RCE1: variants seen among roughly 807,000 people sequenced by gnomAD.
The protein encoded by RCE1 is CAAX prenyl protease 2.
In RCE1, 15 loss-of-function variants were observed where a neutral mutation model predicts 35.0. That is an observed-to-expected ratio of 0.43 (90% CI 0.29 to 0.66). The LOEUF is 0.66. RCE1 is among the 30% of genes least tolerant of loss of function. The pLI is 0.17. For synonymous variants in RCE1, 261 were observed against 192.7 expected, an observed-to-expected ratio of 1.35 and a Z score of -2.94; for missense variants, 434 against 433.0, an observed-to-expected ratio of 1.00 and a Z score of -0.02.
Position 66,846,328 on chromosome 11 carries a change from C to T in RCE1, c.*233C>T. Reference sequence around the variant, plus strand: ...CAGCTGTGAGTGAGGGGACAAGGGGCAGGTCCCAGGAGCCACACACTCCCT... The same window carrying T: ...CAGCTGTGAGTGAGGGGACAAGGGGTAGGTCCCAGGAGCCACACACTCCCT... On this transcript the variant is annotated 3_prime_UTR_variant, in exon 8 of 8. Transcript: ENST00000309657. The T allele has an allele frequency of 2.0e-6, 1 of 504,142 alleles. No homozygotes were observed. The allele number at this position is 504,142 out of a possible 1,614,324, so 31.2% of individuals were successfully genotyped here.
chr11:66,845,518 C>T lies in RCE1; in HGVS notation c.710C>T (p.Thr237Ile). ...TCTCCAGCGTTCCAGTTCTCCTACA[C>T]AGCTGTCTTCGGTGCCTACACTGCT... ...FLSAAFQFSY[T>I]AVFGAYTAFL... Residue 237 changes from threonine to isoleucine, a missense_variant, in exon 7 of 8, where the codon ACA (threonine) becomes ATA (isoleucine). Coordinates refer to ENST00000309657, the MANE Select transcript of RCE1 (RefSeq NM_005133.3). The T allele has an allele frequency of 6.2e-7, 1 of 1,614,228 alleles. No homozygotes were observed. Among genetic ancestry groups the T allele is most frequent in the South Asian group, 1.1e-5 (1 of 91,084 alleles).
At chr11:66,845,640 A>T in intron 7 of RCE1, 78 bp downstream of exon 7, 1 of 1,604,288 alleles carries the variant, frequency 6.2e-7, no homozygotes, top group Non-Finnish European at 8.5e-7. Flanking sequence ...TTGTTCTAGG[A>T]ACAAAAGTTC....
Position 66,843,545 on chromosome 11 carries a change from C to T in RCE1, c.90C>T (p.Gly30=). ...AGTCGGCGGCGCTGGGCGGCCTGGG[C>T]CCCGGGCTGTGCTGCTGGGTGTCAG... ...PPESAALGGL[G]PGLCCWVSVF... Residue 30 remains glycine (G), a synonymous_variant, in exon 1 of 8, where the codon GGC becomes GGT. Transcript: ENST00000309657. 2.6e-6 allele frequency: 4 copies of T among 1,552,314 alleles called. No homozygotes were observed. Among genetic ancestry groups the T allele is most frequent in the South Asian group, 1.2e-5 (1 of 86,022 alleles).
intron 4 of RCE1, 120 bp downstream of exon 4, chr11:66,844,484 T>C (rs1200298398): frequency 4.4e-6 from 6 of 1,357,790 alleles, no homozygotes; most frequent in East Asian, 2.3e-5. Flanking sequence ...GGGTGTGTTT[T>C]CTCATCAGTA....
At chr11:66,844,209 C>T in intron 3 of RCE1, 77 bp from the exon 4 acceptor site, 1 of 1,604,558 alleles carries the variant, frequency 6.2e-7, no homozygotes. Context: ...GGATTTCAAG[C>T]TTGGAGTCTC....
At position 66,845,149 on chromosome 11, in the gene RCE1, T is replaced by C. The variant is rs1160471387; in HGVS notation, c.620-17T>C. The C allele has an allele frequency of 1.2e-6, 2 of 1,614,220 alleles. No homozygotes were observed. Among genetic ancestry groups the C allele is most frequent in the South Asian group, 2.2e-5 (2 of 91,088 alleles). On this transcript the variant is annotated splice_polypyrimidine_tract_variant and intron_variant, in intron 5 of 7. Coordinates refer to ENST00000309657, the MANE Select transcript of RCE1 (RefSeq NM_005133.3). ...CTGGGAGGAATGACTGTGATGTGAT[T>C]GTCACCTTTTTCCCAGCCCATTTTC...
rs561863994 is a variant in RCE1 at position 66,846,263 on chromosome 11, T to C, written c.*168T>C. The C allele has an allele frequency of 4.4e-5, 38 of 866,966 alleles. No individual in the cohort carries two copies. In the East Asian group the frequency reaches 9.8e-4, roughly 22 times the overall value. 53.7% of individuals were successfully genotyped at this position (866,966 alleles called of 1,614,324 possible). ...AGGGACCAAGAGAAAGAAGCAGATATCCAAAGGGTGCAGCCCCTTTTGAAA... is the reference window on the plus strand; with the variant it reads ...AGGGACCAAGAGAAAGAAGCAGATACCCAAAGGGTGCAGCCCCTTTTGAAA... On this transcript the variant is annotated 3_prime_UTR_variant, in exon 8 of 8. Transcript: ENST00000309657.
chr11:66,845,009 T>G lies in RCE1; in HGVS notation c.592T>G (p.Phe198Val). Residue 198 changes from phenylalanine to valine, a missense_variant, in exon 5 of 8, where the codon TTC becomes GTC. Transcript: ENST00000309657. Reference sequence around the variant, plus strand: ...GTGCATGGGCCTGGGCCCTGCTGTGTTCACCTGCCCGCTCTTTTTTGGAGT... The same window carrying G: ...GTGCATGGGCCTGGGCCCTGCTGTGGTCACCTGCCCGCTCTTTTTTGGAGT... ...APCMGLGPAVFTCPLFFGVAH... is the reference protein window; with the variant it reads ...APCMGLGPAVVTCPLFFGVAH... 1 of 1,598,266 alleles carries G rather than the reference T, an allele frequency of 6.3e-7. No homozygotes were observed. Among genetic ancestry groups the G allele is most frequent in the Non-Finnish European group, 8.5e-7 (1 of 1,169,994 alleles).
chr11:66,843,447 C>T lies in RCE1; in HGVS notation c.-9C>T. On this transcript the variant is annotated 5_prime_UTR_variant, in exon 1 of 8. Coordinates refer to ENST00000309657, the MANE Select transcript of RCE1 (RefSeq NM_005133.3). ...TGCGTCACTGGTGCGCGCCGCGGGT[C>T]AGGGCGCAATGGCGGCGCTGGGCGG... 1.4e-6 allele frequency: 2 copies of T among 1,401,424 alleles called. No individual in the cohort carries two copies. Among genetic ancestry groups the T allele is most frequent in the Non-Finnish European group, 1.8e-6 (2 of 1,091,974 alleles). 86.8% of individuals were successfully genotyped at this position (1,401,424 alleles called of 1,614,324 possible).
intron 4 of RCE1, chr11:66,844,639 G>C: frequency 1.3e-6 from 1 of 753,808 alleles, no homozygotes; most frequent in Non-Finnish European, 2.1e-6. Context: ...CTTAAATTTT[G>C]GTGTCTCCAG....
intron 5 of RCE1, 32 bp from the exon 6 acceptor site, chr11:66,845,134 T>C (rs758875456): frequency 5.0e-6 from 8 of 1,614,076 alleles, no homozygotes; most frequent in Non-Finnish European, 1.7e-6. Flanking sequence ...CTGGGAGGAA[T>C]GACTGTGATG....
At position 66,843,541 on chromosome 11, in the gene RCE1, T is replaced by C. The variant is rs1305234190; in HGVS notation, c.86T>C (p.Leu29Pro). The C allele has an allele frequency of 5.2e-6, 8 of 1,537,322 alleles. No homozygotes were observed. Among genetic ancestry groups the C allele is most frequent in the East Asian group, 2.5e-5 (1 of 40,316 alleles). The change falls in exon 1 of 8, where the codon CTG becomes CCG. Residue 29 changes from leucine (L) to proline (P), a missense_variant. By Grantham distance (98) the Leu-to-Pro change is moderately conservative. Transcript: ENST00000309657. ...RPPESAALGGLGPGLCCWVSV... is the reference protein window; with the variant it reads ...RPPESAALGGPGPGLCCWVSV... ...CCCGAGTCGGCGGCGCTGGGCGGCCTGGGCCCCGGGCTGTGCTGCTGGGTG... is the reference window on the plus strand; with the variant it reads ...CCCGAGTCGGCGGCGCTGGGCGGCCCGGGCCCCGGGCTGTGCTGCTGGGTG...
Position 66,846,011 on chromosome 11 carries a change from C to CA in RCE1, c.907dup (p.Thr303AsnfsTer66), listed in dbSNP as rs749381414. The CA allele has an allele frequency of 1.2e-6, 2 of 1,613,950 alleles. No homozygotes were observed. The highest frequency in any genetic ancestry group is 1.7e-6 in the Non-Finnish European group (2 of 1,180,034). Reference sequence around the variant, plus strand: ...TCTTCCTGCTTCTGCTCCAGCCCCTCACGGACCCCAAGCTCTACGGCAGCC... The same window carrying CA: ...TCTTCCTGCTTCTGCTCCAGCCCCTCAACGGACCCCAAGCTCTACGGCAGCC... On this transcript the variant is annotated frameshift_variant, in exon 8 of 8. Transcript: ENST00000309657. LOFTEE classifies it high-confidence loss of function.
At position 66,844,057 on chromosome 11, in the gene RCE1, A is replaced by AT. The variant is rs1272205081; in HGVS notation, c.372+24dup. 10 of 1,613,500 alleles carry AT rather than the reference A, an allele frequency of 6.2e-6. No individual in the cohort carries two copies. Among genetic ancestry groups the AT allele is most frequent in the Middle Eastern group, 1.6e-4 (1 of 6,062 alleles). On this transcript the variant is annotated intron_variant, in intron 3 of 7. Transcript: ENST00000309657. ...TGACCATGGTGAGTGCTCCTGCTGT[A>AT]TTTTTTCTTCTGGTCTTTGTTATCA...
rs1165988931 is a variant in RCE1, at chr11:66,843,523, CGGCGGCGCTG to C, written c.75_84del (p.Leu26TrpfsTer76). The C allele has an allele frequency of 6.0e-6, 9 of 1,506,378 alleles. No homozygotes were observed. The highest frequency in any genetic ancestry group is 2.9e-5 in the African/African-American group (2 of 69,030). 93.3% of individuals were successfully genotyped at this position (1,506,378 alleles called of 1,614,324 possible). A position where few individuals can be genotyped will look rare whatever the true frequency, so the allele number is the denominator to read the frequency against. ...TCGCGGCCGGAGCGGCCGCCCGAGT[CGGCGGCGCTG>C]GGCGGCCTGGGCCCCGGGCTGTGCT... On this transcript the variant is annotated frameshift_variant, in exon 1 of 8. Transcript: ENST00000309657. LOFTEE classifies it high-confidence loss of function.
In RCE1 at chr11:66,845,491, C is replaced by T. The variant is rs576327427; in HGVS notation, c.692-9C>T. 29 of 1,614,134 alleles carry T rather than the reference C, an allele frequency of 1.8e-5. No individual in the cohort carries two copies. The highest frequency in any genetic ancestry group is 1.7e-4 in the Admixed American group (10 of 60,016). On this transcript the variant is annotated splice_polypyrimidine_tract_variant and intron_variant, in intron 6 of 7. Transcript: ENST00000309657. ...CAGGTGTGGTCACTCGTGGCCTCCC[C>T]GTCTCCAGCGTTCCAGTTCTCCTAC...
At chr11:66,844,431 C>G in intron 4 of RCE1, 67 bp downstream of exon 4, 1 of 1,586,844 alleles carries the variant, frequency 6.3e-7, no homozygotes, top group South Asian at 1.1e-5. Context: ...AGGGAGTCAG[C>G]GGGCTCAGGG....
Position 66,844,981 on chromosome 11 carries a change from AC to A in RCE1, c.566del (p.Pro189ArgfsTer66). On this transcript the variant is annotated frameshift_variant, in exon 5 of 8. Transcript: ENST00000309657. LOFTEE classifies it high-confidence loss of function. ...FRACMLPMLAPCMGLGPAVFT... is the reference protein window; with the variant it reads ...FRACMLPMLAXCMGLGPAVFT... ...GGGCCTGTATGCTGCCCATGTTAGC[AC>A]CGTGCATGGGCCTGGGCCCTGCTGT... 1 of 1,606,298 alleles carries A rather than the reference AC, an allele frequency of 6.2e-7. No individual in the cohort carries two copies. Among genetic ancestry groups the A allele is most frequent in the Non-Finnish European group, 8.5e-7 (1 of 1,175,882 alleles).
rs1306232936 is a variant in RCE1, at chr11:66,843,593, C to T, written c.138C>T (p.Ala46=). ...CAGTGTTCTCCTGCCTCAGCCTCGC[C>T]TGCTCCTACGTGGGCAGCCTCTACG... ...WVSVFSCLSL[A]CSYVGSLYVW... is the part of the protein sequence containing the mutation. Residue 46 remains alanine, a synonymous_variant, in exon 1 of 8, where the codon GCC becomes GCT. Transcript: ENST00000309657. 1.3e-6 allele frequency: 2 copies of T among 1,591,508 alleles called. No homozygotes were observed. Among genetic ancestry groups the T allele is most frequent in the South Asian group, 1.1e-5 (1 of 89,470 alleles).
Sources: allele counts gnomAD v4.1 joint callset, GRCh38; gene constraint gnomAD v4.1.1; transcripts MANE v1.5; gene names NCBI Gene and HGNC (gene_info 2026-07-23, HGNC 2026-07-21).